Variants in FLT1 observed in about 807,000 individuals in gnomAD.
The protein encoded by FLT1 is fms related receptor tyrosine kinase 1, also known as vascular endothelial growth factor receptor 1.
In FLT1, 49 loss-of-function variants were observed where a neutral mutation model predicts 156.3. The ratio of observed to expected loss-of-function variants is 0.31; its 90% CI spans 0.25 to 0.40. FLT1 has a LOEUF of 0.40. FLT1 is among the 10% of genes least tolerant of loss of function. FLT1 has a pLI of 1.00. For synonymous variants in FLT1, 594 were observed against 583.8 expected (o/e 1.02, Z -0.25); for missense variants, 1,322 against 1,637.2 (o/e 0.81, Z 3.32).
chr13:28,388,189 T>C, intron 13 of FLT1: 1 of 1,058,200 alleles, frequency 9.5e-7, no homozygotes, highest in Non-Finnish European at 1.1e-6. Flanking sequence ...TCCTTTGGGC[T>C]GACAACTTCC....
rs1004179989 is a variant in FLT1, at chr13:28,436,257, G to C, written c.513+1964C>G. 2.4e-4 allele frequency among the ~76,000 whole-genome samples: 37 copies of C among 152,324 alleles called. No individual in the cohort carries two copies. In the East Asian group the frequency reaches 5.4e-3, roughly 22 times the overall value. ...CTCGAAAGGAAGCCCTGGGCAGCAA[G>C]GCCTGTCTGCAGCTGACCATGGCTC... On this transcript the variant is annotated intron_variant, in intron 4 of 29. Transcript: ENST00000282397.
intron 28 of FLT1, among the ~76,000 whole-genome samples, chr13:28,307,171 G>A (rs1378524837): frequency 2.0e-5 from 3 of 152,112 alleles, no homozygotes; most frequent in Admixed American, 6.5e-5. Flanking sequence ...CTAAGAAATC[G>A]TAAAGACATC....
Position 28,396,976 on chromosome 13 carries a change from T to C in FLT1, c.1644A>G (p.Ile548Met), listed in dbSNP as rs148479824. The C allele has an allele frequency of 1.3e-3, 2,110 of 1,601,492 alleles. 4 individuals are homozygous for C. Among genetic ancestry groups the C allele is most frequent in the Admixed American group, 4.0e-3 (240 of 59,982 alleles). The change falls in exon 12 of 30, where the codon ATA (isoleucine) becomes ATG (methionine). Residue 548 changes from isoleucine to methionine, a missense_variant. By Grantham distance (10) the Ile-to-Met change is conservative. Transcript: ENST00000282397. ...SNKVGTVGRN[I>M]SFYITDVPNG... Reference sequence around the variant, plus strand: ...GTGGCTTACCTGTGATATAAAAGCTTATGTTTCTTCCCACAGTCCCAACTT... The same window carrying C: ...GTGGCTTACCTGTGATATAAAAGCTCATGTTTCTTCCCACAGTCCCAACTT...
At chr13:28,396,925 C>A in intron 12 of FLT1, 35 bp downstream of exon 12, 3 of 1,216,616 alleles carry the variant, frequency 2.5e-6, no homozygotes, top group Non-Finnish European at 3.7e-6. Context: ...AATGAAGTCA[C>A]CAGGCTGTCT....
intron 1 of FLT1, among the ~76,000 whole-genome samples, chr13:28,482,561 C>G (rs996354149): frequency 5.3e-5 from 8 of 151,938 alleles, no homozygotes; most frequent in Non-Finnish European, 1.5e-5. Context: ...AGGAATATTT[C>G]TTAAACCTCC....
chr13:28,401,002 G>C (rs371648268), intron 11 of FLT1, among the ~76,000 whole-genome samples: 1 of 152,118 alleles, frequency 6.6e-6, no homozygotes, highest in Non-Finnish European at 1.5e-5. Flanking sequence ...GAGGTGAGTG[G>C]ATCACCTGAG....
intron 10 of FLT1, among the ~76,000 whole-genome samples, chr13:28,426,790 A>G (rs1220551292): frequency 6.6e-6 from 1 of 152,218 alleles, no homozygotes; most frequent in East Asian, 1.9e-4. Flanking sequence ...ATACAAAATG[A>G]AAAATGGGAA....
chr13:28,345,040 C>T (rs1021530548), intron 16 of FLT1, among the ~76,000 whole-genome samples: 4 of 151,914 alleles, frequency 2.6e-5, no homozygotes, highest in Non-Finnish European at 2.9e-5. Context: ...TGGCCTCAAG[C>T]GATCCTCCTG....
intron 18 of FLT1, 61 bp from the exon 19 acceptor site, chr13:28,329,789 C>G: frequency 2.9e-6 from 4 of 1,389,512 alleles, no homozygotes; most frequent in Non-Finnish European, 4.0e-6. Context: ...CCGCCGGAGG[C>G]GGCATTCTTG....
At chr13:28,319,376 G>C (rs766137787) in intron 24 of FLT1, 47 bp downstream of exon 24, 3 of 1,216,880 alleles carry the variant, frequency 2.5e-6, no homozygotes, top group Non-Finnish European at 3.6e-6. Flanking sequence ...AGAAGATGCA[G>C]ACATTTATTT....
intron 1 of FLT1, among the ~76,000 whole-genome samples, chr13:28,491,468 T>C (rs1881466769): frequency 6.6e-6 from 1 of 152,220 alleles, no homozygotes; most frequent in Non-Finnish European, 1.5e-5. Context: ...AGGGAGCATC[T>C]ACTTTATAGA....
rs1381015724 is a variant in FLT1, at chr13:28,396,844, A to T, written c.1660+116T>A. On this transcript the variant is annotated intron_variant, in intron 12 of 29. Coordinates refer to ENST00000282397, the MANE Select transcript of FLT1 (RefSeq NM_002019.4). ...CAAGGATGAAGGCACTCAAAGTTTGACAATTCTATGGAATTAAAAAAAAAT... is the reference window on the plus strand; with the variant it reads ...CAAGGATGAAGGCACTCAAAGTTTGTCAATTCTATGGAATTAAAAAAAAAT... The T allele has an allele frequency of 4.1e-6, 3 of 729,026 alleles. No individual in the cohort carries two copies. The South Asian group carries it at 4.4e-5, about 11-fold the overall frequency. The allele number at this position is 729,026 out of a possible 1,614,324, so 45.2% of individuals were successfully genotyped here.
Position 28,386,178 on chromosome 13 carries a change from A to G in FLT1, c.1970-1147T>C, listed in dbSNP as rs1467244837. The G allele has an allele frequency of 2.8e-6, 3 of 1,054,766 alleles. No individual in the cohort carries two copies. In the East Asian group the frequency reaches 1.6e-4, roughly 56 times the overall value. The allele number at this position is 1,054,766 out of a possible 1,614,324, so 65.3% of individuals were successfully genotyped here. ...TAGGAGTGATGACAATGCTACAAAG[A>G]TGATACATTGCAATGGCCTTAATTC... is the stretch of plus-strand genomic sequence containing the variant. On this transcript the variant is annotated intron_variant, in intron 13 of 29. Coordinates refer to ENST00000282397, the MANE Select transcript of FLT1 (RefSeq NM_002019.4).
chr13:28,491,450 G>C (rs1881466318), intron 1 of FLT1, among the ~76,000 whole-genome samples: 1 of 152,158 alleles, frequency 6.6e-6, no homozygotes, highest in Non-Finnish European at 1.5e-5. Flanking sequence ...AATGCAACTA[G>C]AGTTTTGAGG....
At chr13:28,372,019 GGTGTGTGT>G (rs142534765) in intron 14 of FLT1, among the ~76,000 whole-genome samples, 3 of 24,728 alleles carry the variant, frequency 1.2e-4, no homozygotes, top group East Asian at 1.7e-3. Context: ...ATAAATCATT[GGTGTGTGT>G]GTGTGTGTGT....
chr13:28,381,886 T>G (rs1874092839), intron 14 of FLT1, among the ~76,000 whole-genome samples: 1 of 152,222 alleles, frequency 6.6e-6, no homozygotes. Flanking sequence ...AAGGATAGCC[T>G]AAGATTTTCT....
At chr13:28,384,448 C>CAAAAAAAA (rs79860949) in intron 14 of FLT1, among the ~76,000 whole-genome samples, 23 of 59,778 alleles carry the variant, frequency 3.8e-4, no homozygotes, top group Non-Finnish European at 5.2e-4. Context: ...GACTCCATCT[C>CAAAAAAAA]AAAAAAAAAA....
At chr13:28,427,365 T>C (rs771909020) in intron 9 of FLT1, 47 bp from the exon 10 acceptor site, 37 of 1,580,374 alleles carry the variant, frequency 2.3e-5, no homozygotes, top group Non-Finnish European at 2.9e-5. Context: ...GCAGTTCTAA[T>C]GACTTTCTCC....
intron 1 of FLT1, among the ~76,000 whole-genome samples, chr13:28,475,849 G>A (rs1329384465): frequency 6.6e-6 from 1 of 152,074 alleles, no homozygotes; most frequent in Non-Finnish European, 1.5e-5. Context: ...ATGCTGACAG[G>A]GCCCATGCTT....
Sources: allele counts gnomAD v4.1 joint callset (sites outside exome capture counted in the v4.1 genomes callset), GRCh38; gene constraint gnomAD v4.1.1; transcripts MANE v1.5; gene names NCBI Gene and HGNC (gene_info 2026-07-23, HGNC 2026-07-21).